Variants in CACNA1C observed in about 807,000 individuals in gnomAD.
CACNA1C encodes the protein voltage-dependent L-type calcium channel subunit alpha-1C.
A neutral mutation model predicts 229.0 loss-of-function variants in CACNA1C; 30 were observed. The ratio of observed to expected loss-of-function variants is 0.13; its 90% CI spans 0.10 to 0.18. The LOEUF (loss-of-function observed/expected upper bound fraction) is 0.18, where lower values mean the gene tolerates loss of function less well. Among genes scored for constraint, CACNA1C ranks in the 10% least tolerant of loss-of-function variants. CACNA1C has a pLI of 1.00. For synonymous variants in CACNA1C, 1,114 were observed against 1,132.5 expected, an observed-to-expected ratio of 0.98 and a Z score of 0.33; for missense variants, 1,658 against 2,845.0, an observed-to-expected ratio of 0.58 and a Z score of 9.49.
intron 1 of CACNA1C, among the ~76,000 whole-genome samples, chr12:1,996,639 A>C (rs1004544999): frequency 2.4e-4 from 28 of 117,178 alleles, no homozygotes; most frequent in East Asian, 1.1e-3. Context: ...AAAAAAAAAA[A>C]AAAAAAAAAA....
chr12:2,453,772 C>T (rs1426001388), intron 4 of CACNA1C, among the ~76,000 whole-genome samples: 1 of 152,198 alleles, frequency 6.6e-6, no homozygotes, highest in South Asian at 2.1e-4. Context: ...TGGTTTTCAT[C>T]TTTGCAAGCC....
intron 3 of CACNA1C, among the ~76,000 whole-genome samples, chr12:2,368,082 T>C (rs1346051973): frequency 6.6e-6 from 1 of 152,192 alleles, no homozygotes; most frequent in Non-Finnish European, 1.5e-5. Flanking sequence ...ATCACATTGG[T>C]AAGTCAACTA....
At chr12:2,327,011 C>CTG (rs1246264141) in intron 3 of CACNA1C, among the ~76,000 whole-genome samples, 2 of 152,222 alleles carry the variant, frequency 1.3e-5, no homozygotes, top group Non-Finnish European at 2.9e-5. Flanking sequence ...CCTTCTTCCT[C>CTG]TGCTGGGAAT....
At chr12:2,405,160 A>T (rs947763932) in intron 3 of CACNA1C, among the ~76,000 whole-genome samples, 2 of 152,222 alleles carry the variant, frequency 1.3e-5, no homozygotes, top group African/African-American at 4.8e-5. Context: ...AAAAATTTTA[A>T]ATAATTATAG....
intron 3 of CACNA1C, among the ~76,000 whole-genome samples, chr12:2,321,541 T>C (rs577979786): frequency 6.6e-6 from 1 of 152,284 alleles, no homozygotes; most frequent in African/African-American, 2.4e-5. Context: ...GCTCTGGGGA[T>C]AAAGCAGTGG....
chr12:2,056,197 GT>G (rs1448288244), intron 1 of CACNA1C, among the ~76,000 whole-genome samples: 1 of 698 alleles, frequency 1.4e-3, no homozygotes, highest in African/African-American at 0.018. Context: ...GTGTGTGTGA[GT>G]GTGTGTGTGT....
intron 13 of CACNA1C, among the ~76,000 whole-genome samples, chr12:2,577,649 A>G (rs763151097): frequency 4.6e-5 from 7 of 152,182 alleles, no homozygotes; most frequent in Non-Finnish European, 8.8e-5. Flanking sequence ...AGAAGCACCC[A>G]TGCACCTCCA....
At chr12:2,617,091 C>T (rs1460634201) in intron 29 of CACNA1C, among the ~76,000 whole-genome samples, 3 of 152,362 alleles carry the variant, frequency 2.0e-5, no homozygotes, top group African/African-American at 7.2e-5. Context: ...AAGCCTTGGC[C>T]TTGTCTGCTT....
At chr12:2,568,718 A>C (rs2052670322) in intron 13 of CACNA1C, among the ~76,000 whole-genome samples, 2 of 152,266 alleles carry the variant, frequency 1.3e-5, no homozygotes, top group South Asian at 2.1e-4. Context: ...TAGAGTAGTC[A>C]GATTCACAGA....
At chr12:2,386,808 G>C (rs954670571) in intron 3 of CACNA1C, among the ~76,000 whole-genome samples, 1 of 152,244 alleles carries the variant, frequency 6.6e-6, no homozygotes, top group Non-Finnish European at 1.5e-5. Context: ...CAGCATAGTA[G>C]ATGCTCAGTC....
In CACNA1C at chr12:2,411,241, C is replaced by T. The variant is rs946123526; in HGVS notation, c.478-37735C>T. Among the ~76,000 whole-genome samples, 4 of 152,098 alleles carry T rather than the reference C, an allele frequency of 2.6e-5. No individual in the cohort carries two copies. In the South Asian group the frequency reaches 8.3e-4, roughly 32 times the overall value. On this transcript the variant is annotated intron_variant, in intron 3 of 46. Coordinates refer to ENST00000399655, the MANE Select transcript of CACNA1C (RefSeq NM_000719.7). ...GCAGCCTCAGCCCACAGCAGCCCTG[C>T]GGTGGAGAGCTGCAATGAAGGCAGG...
upstream of CACNA1C, chr12:2,048,434 T>A (rs1216216595): frequency 6.6e-6 from 1 of 152,168 alleles, no homozygotes; most frequent in Non-Finnish European, 1.5e-5. Context: ...TACAGGCAAT[T>A]ATGTGGATTA....
rs1028505188 is a variant in CACNA1C, at chr12:2,597,732, G to A, written c.2853+443G>A. Among the ~76,000 whole-genome samples the A allele has an allele frequency of 6.6e-6, 1 of 152,176 alleles. No individual in the cohort carries two copies. The highest frequency in any genetic ancestry group is 1.5e-5 in the Non-Finnish European group (1 of 68,030). ...TCCAGCCACCCCTAAGCAGTCCGTGGCCTGGAAGGGACACGTGTTGGCTGT... is the reference window on the plus strand; with the variant it reads ...TCCAGCCACCCCTAAGCAGTCCGTGACCTGGAAGGGACACGTGTTGGCTGT... On this transcript the variant is annotated intron_variant, in intron 21 of 46. Transcript: ENST00000399655. This position sits in a 1 kb window ranked among gnomAD's most constrained non-coding sequence, Gnocchi z 4.3.
chr12:2,658,582 G>A (rs943379087), intron 34 of CACNA1C, among the ~76,000 whole-genome samples: 1 of 151,950 alleles, frequency 6.6e-6, no homozygotes, highest in Admixed American at 6.6e-5. Context: ...TGTCTTTACT[G>A]CACTATACTT....
At chr12:2,199,804 G>T (rs2097531196) in intron 3 of CACNA1C, among the ~76,000 whole-genome samples, 1 of 152,104 alleles carries the variant, frequency 6.6e-6, no homozygotes, top group South Asian at 2.1e-4. Context: ...ATTTACTTCA[G>T]CCGAGAGGTG....
rs569931852 is a variant in CACNA1C, at chr12:2,098,802, G to T, written c.50-16422G>T. ...TGCCCCGAGGCTTTATCTCTGGAAT[G>T]ATTTTTACTAAATAATTCTTCATAT... On this transcript the variant is annotated intron_variant, in intron 1 of 46. Coordinates refer to ENST00000399655, the MANE Select transcript of CACNA1C (RefSeq NM_000719.7). Among the ~76,000 whole-genome samples, 3 of 152,358 alleles carry T rather than the reference G, an allele frequency of 2.0e-5. 1 individual carries two copies. In the East Asian group the frequency reaches 5.8e-4, roughly 29 times the overall value.
At chr12:2,071,009 T>TC (rs2061009973) in intron 1 of CACNA1C, among the ~76,000 whole-genome samples, 8 of 119,338 alleles carry the variant, frequency 6.7e-5, no homozygotes, top group Non-Finnish European at 1.2e-4. Context: ...CTTCCTTCTC[T>TC]TTCTCCTTCC....
chr12:2,665,048 C>G lies in CACNA1C; in HGVS notation c.4398+58C>G. The G allele has an allele frequency of 1.9e-6, 3 of 1,571,490 alleles. No individual in the cohort carries two copies. Among genetic ancestry groups the G allele is most frequent in the Non-Finnish European group, 2.6e-6 (3 of 1,143,734 alleles). ...CATGACTGCCCAGTTCCAGGGCAGT[C>G]TGAACCGTCCATCTCTGCAGCTCAT... On this transcript the variant is annotated intron_variant, in intron 35 of 46. Coordinates refer to ENST00000399655, the MANE Select transcript of CACNA1C (RefSeq NM_000719.7). This position sits in a 1 kb window ranked among gnomAD's most constrained non-coding sequence, Gnocchi z 5.9.
intron 3 of CACNA1C, among the ~76,000 whole-genome samples, chr12:2,199,234 T>C (rs145295867): frequency 2.7e-4 from 41 of 152,252 alleles, no homozygotes; most frequent in Non-Finnish European, 2.9e-4. Flanking sequence ...ACGTTGCACT[T>C]GCTACAGCTG....
Sources: allele counts gnomAD v4.1 joint callset (sites outside exome capture counted in the v4.1 genomes callset), GRCh38; gene constraint gnomAD v4.1.1; non-coding constraint Gnocchi (gnomAD v3.1); transcripts MANE v1.5; gene names NCBI Gene and HGNC (gene_info 2026-07-23, HGNC 2026-07-21).